The following HERC4 variants were observed in gnomAD, a reference collection of about 807,000 sequenced individuals.
HERC4 encodes probable E3 ubiquitin-protein ligase HERC4.
In HERC4, 28 loss-of-function variants were observed where a neutral mutation model predicts 124.3. That is an observed-to-expected ratio of 0.23 (90% CI 0.17 to 0.31). The LOEUF (loss-of-function observed/expected upper bound fraction) is 0.31, where lower values mean the gene tolerates loss of function less well. HERC4 is among the 10% of genes least tolerant of loss of function. The pLI is 1.00. For synonymous variants in HERC4, 407 were observed against 421.5 expected (o/e 0.97, Z 0.42); for missense variants, 713 against 1,229.3 (o/e 0.58, Z 6.28).
intron 9 of HERC4, among the ~76,000 whole-genome samples, chr10:67,998,401 A>T (rs1453545041): frequency 6.6e-6 from 1 of 151,576 alleles, no homozygotes; most frequent in African/African-American, 2.4e-5. Context: ...TACAAAAATT[A>T]GCTGGGTGTG....
At chr10:67,961,054 A>G in intron 16 of HERC4, 1 of 270,324 alleles carries the variant, frequency 3.7e-6, no homozygotes, top group Non-Finnish European at 7.0e-6. Flanking sequence ...TCTTAGTAAA[A>G]CCAACACAGA....
chr10:67,938,895 G>A (rs2032628507), intron 21 of HERC4, among the ~76,000 whole-genome samples: 1 of 152,136 alleles, frequency 6.6e-6, no homozygotes, highest in Admixed American at 6.5e-5. Context: ...AGTGAGTTGA[G>A]ATCACGTCAC....
chr10:67,956,859 C>A lies in HERC4; in HGVS notation c.2025+19G>T. On this transcript the variant is annotated intron_variant, in intron 17 of 24. Coordinates refer to ENST00000373700, the MANE Select transcript of HERC4 (RefSeq NM_015601.4). ...AAAGAAACAATTAAAAAAAAAAACC[C>A]TCTCAAATAATATTTTACCTGCATC... is the stretch of plus-strand genomic sequence containing the variant. The A allele has an allele frequency of 6.9e-7, 1 of 1,453,390 alleles. No individual in the cohort carries two copies. The highest frequency in any genetic ancestry group is 2.3e-5 in the East Asian group (1 of 43,356). The allele number at this position is 1,453,390 out of a possible 1,614,324, so 90.0% of individuals were successfully genotyped here.
At chr10:67,957,061 A>G in intron 16 of HERC4, 85 bp from the exon 17 acceptor site, 1 of 676,216 alleles carries the variant, frequency 1.5e-6, no homozygotes. Flanking sequence ...AAAGTGGACT[A>G]CATTCTTTGT....
At chr10:67,974,638 T>C (rs1192845178) in intron 15 of HERC4, among the ~76,000 whole-genome samples, 1 of 152,236 alleles carries the variant, frequency 6.6e-6, no homozygotes, top group Non-Finnish European at 1.5e-5. Flanking sequence ...GATCGGTCTA[T>C]ATCTGTTGCA....
At chr10:67,948,979 C>T (rs1435205768) in intron 19 of HERC4, among the ~76,000 whole-genome samples, 15 of 151,890 alleles carry the variant, frequency 9.9e-5, no homozygotes, top group Admixed American at 9.8e-4. Flanking sequence ...GTTGGCCAGG[C>T]GCGGTGGCTC....
At chr10:68,053,412 T>G (rs945350342) in intron 3 of HERC4, among the ~76,000 whole-genome samples, 5 of 151,850 alleles carry the variant, frequency 3.3e-5, no homozygotes, top group Non-Finnish European at 5.9e-5. Context: ...CAGGTGATCC[T>G]CCTGCTTCAG....
chr10:67,980,164 T>C (rs1446534697), intron 15 of HERC4, among the ~76,000 whole-genome samples: 2 of 152,042 alleles, frequency 1.3e-5, no homozygotes, highest in Admixed American at 6.6e-5. Flanking sequence ...TAGGCTGGAG[T>C]GCAATGGCGC....
chr10:68,010,541 C>T, intron 9 of HERC4: 1 of 984,660 alleles, frequency 1.0e-6, no homozygotes, highest in Non-Finnish European at 1.6e-6. Flanking sequence ...GCTTCAGGCG[C>T]TGCAGGAACA....
At chr10:68,052,762 A>G (rs1338973620) in intron 3 of HERC4, among the ~76,000 whole-genome samples, 1 of 152,230 alleles carries the variant, frequency 6.6e-6, no homozygotes, top group African/African-American at 2.4e-5. Flanking sequence ...TTTCACCATC[A>G]TAAAGTGCTG....
rs57705644 is a variant in HERC4, at chr10:68,070,365, G to A, written c.226+2518C>T. On this transcript the variant is annotated intron_variant, in intron 3 of 24. Transcript: ENST00000373700. Reference sequence around the variant, plus strand: ...CTCATGCCTGTAATTCCAGCACTTCGGGAGGCCAAGGCAGGCGGATCACCT... The same window carrying A: ...CTCATGCCTGTAATTCCAGCACTTCAGGAGGCCAAGGCAGGCGGATCACCT... The A allele has an allele frequency of 9.1e-4, 711 of 783,672 alleles. 4 individuals are homozygous for A. In the African/African-American group the frequency reaches 0.012, roughly 14 times the overall value. The allele number at this position is 783,672 out of a possible 1,614,324, so 48.5% of individuals were successfully genotyped here.
At chr10:67,979,198 A>T (rs1057062624) in intron 15 of HERC4, among the ~76,000 whole-genome samples, 7 of 152,172 alleles carry the variant, frequency 4.6e-5, no homozygotes, top group Non-Finnish European at 2.9e-5. Context: ...CAGACAGGGA[A>T]TTCTAAATAG....
chr10:68,060,396 C>T (rs1474041690), intron 3 of HERC4, among the ~76,000 whole-genome samples: 2 of 152,124 alleles, frequency 1.3e-5, no homozygotes, highest in East Asian at 3.9e-4. Context: ...CACCACCATA[C>T]CCAGCTAATT....
rs535438790 is a variant in HERC4, at chr10:67,990,789, A to G, written c.1443+115T>C. 4.7e-5 allele frequency: 27 copies of G among 569,582 alleles called. No individual in the cohort carries two copies. In the East Asian group the frequency reaches 7.8e-4, roughly 16 times the overall value. 35.3% of individuals were successfully genotyped at this position (569,582 alleles called of 1,614,324 possible). On this transcript the variant is annotated intron_variant, in intron 13 of 24. Coordinates refer to ENST00000373700, the MANE Select transcript of HERC4 (RefSeq NM_015601.4). ...TGCTTTAAAATAAAATCTTATTTTA[A>G]AAGCACATCGTAAGAGTCTGTGAAA... is the stretch of plus-strand genomic sequence containing the variant.
intron 7 of HERC4, 91 bp from the exon 8 acceptor site, chr10:68,025,767 A>T: frequency 7.4e-7 from 1 of 1,356,630 alleles, no homozygotes; most frequent in Non-Finnish European, 9.9e-7. Flanking sequence ...TTTAATATAA[A>T]CTCAGTTTTT....
chr10:68,059,066 G>A (rs1474689988), intron 3 of HERC4, among the ~76,000 whole-genome samples: 2 of 151,870 alleles, frequency 1.3e-5, no homozygotes, highest in East Asian at 1.9e-4. Flanking sequence ...AACCCAAAAT[G>A]TAGCTCTCTA....
chr10:68,040,030 A>C (rs1251262169), intron 4 of HERC4: 1 of 692,828 alleles, frequency 1.4e-6, no homozygotes, highest in East Asian at 1.3e-4. Context: ...AAGGCAGACT[A>C]TGTGTTTTAT....
intron 23 of HERC4, 47 bp from the exon 24 acceptor site, chr10:67,925,234 A>G: frequency 9.4e-7 from 1 of 1,061,004 alleles, no homozygotes; most frequent in Non-Finnish European, 1.4e-6. Context: ...CACACTGGCT[A>G]ATATATTAGC....
rs34189806 is a variant in HERC4 at position 67,947,839 on chromosome 10, C to CTTT, written c.2338-6737_2338-6735dup. Reference sequence around the variant, plus strand: ...ACATATGGAAATTAAACAATACACTCTTTTTTTTTTTTTTTTTTTTTTTGT... The same window carrying CTTT: ...ACATATGGAAATTAAACAATACACTCTTTTTTTTTTTTTTTTTTTTTTTTTTGT... On this transcript the variant is annotated intron_variant, in intron 19 of 24. Transcript: ENST00000373700. Among the ~76,000 whole-genome samples, 49 of 107,304 alleles carry CTTT rather than the reference C, an allele frequency of 4.6e-4. 1 individual carries two copies. Among genetic ancestry groups the CTTT allele is most frequent in the Non-Finnish European group, 6.2e-4 (35 of 56,666 alleles). The allele number at this position is 107,304 out of a possible 152,430, so 70.4% of individuals were successfully genotyped here.
Sources: gnomAD v4.1 joint callset for allele counts (sites outside exome capture counted in the v4.1 genomes callset) on GRCh38, gnomAD v4.1.1 for gene constraint, MANE v1.5 for transcripts, NCBI Gene and HGNC (gene_info 2026-07-23, HGNC 2026-07-21) for gene names.